Variants in BCAS3 observed in about 807,000 individuals in gnomAD.
The protein encoded by BCAS3 is BCAS3 microtubule associated cell migration factor.
A neutral mutation model predicts 116.1 loss-of-function variants in BCAS3; 53 were observed. That is an observed-to-expected ratio of 0.46 (90% CI 0.37 to 0.57). BCAS3 has a LOEUF of 0.57. BCAS3 is among the 20% of genes least tolerant of loss of function. The pLI is 0.00. For synonymous variants in BCAS3, 391 were observed against 408.2 expected (o/e 0.96, Z 0.51); for missense variants, 917 against 1,165.4 (o/e 0.79, Z 3.10).
At chr17:61,291,917 T>C (rs184991799) in intron 22 of BCAS3, among the ~76,000 whole-genome samples, 1 of 152,152 alleles carries the variant, frequency 6.6e-6, no homozygotes, top group Admixed American at 6.5e-5. Flanking sequence ...ATAAGGCATG[T>C]AGGGTGAGGA....
chr17:60,763,340 A>G (rs978198976), intron 6 of BCAS3, among the ~76,000 whole-genome samples: 34 of 152,254 alleles, frequency 2.2e-4, no homozygotes, highest in East Asian at 7.7e-4. Context: ...GTTTGTCTTA[A>G]ATGGCTCTTA....
At chr17:60,772,984 CA>C (rs2037447970) in intron 6 of BCAS3, among the ~76,000 whole-genome samples, 1 of 152,156 alleles carries the variant, frequency 6.6e-6, no homozygotes. Context: ...TATCAAGGAG[CA>C]TGCTTTTGGC....
chr17:61,253,626 G>A (rs770314453), intron 22 of BCAS3, among the ~76,000 whole-genome samples: 29 of 151,694 alleles, frequency 1.9e-4, no homozygotes, highest in Non-Finnish European at 3.7e-4. Flanking sequence ...CCCAGGATTG[G>A]AGGAGGGGCA....
rs1358251107 is a variant in BCAS3 at position 60,808,086 on chromosome 17, T to C, written c.476+10T>C. The C allele has an allele frequency of 2.5e-6, 4 of 1,569,638 alleles. No individual in the cohort carries two copies. Among genetic ancestry groups the C allele is most frequent in the South Asian group, 1.2e-5 (1 of 86,758 alleles). Reference sequence around the variant, plus strand: ...GCATTGGATCTTCTGGGTAAGGAAATTTTAAAAATTCTTTGTATCACCTAT... The same window carrying C: ...GCATTGGATCTTCTGGGTAAGGAAACTTTAAAAATTCTTTGTATCACCTAT... On this transcript the variant is annotated intron_variant, in intron 7 of 23. Coordinates refer to ENST00000407086, the MANE Select transcript of BCAS3 (RefSeq NM_017679.5).
chr17:60,889,839 A>G, intron 10 of BCAS3, 68 bp downstream of exon 10: 1 of 1,383,930 alleles, frequency 7.2e-7, no homozygotes, highest in Non-Finnish European at 1.0e-6. Flanking sequence ...CATAAAAAAT[A>G]CCTGTGCTCC....
chr17:61,125,817 C>T (rs1041006322), intron 22 of BCAS3, among the ~76,000 whole-genome samples: 2 of 152,120 alleles, frequency 1.3e-5, no homozygotes, highest in Admixed American at 1.3e-4. Context: ...TCTTCTTTTA[C>T]GTAACTTTAT....
chr17:60,978,524 A>G (rs946373771), intron 14 of BCAS3, among the ~76,000 whole-genome samples: 8 of 149,594 alleles, frequency 5.3e-5, no homozygotes, highest in East Asian at 3.9e-4. Flanking sequence ...CCATTTGTCA[A>G]TTTTGTCTTT....
At chr17:61,038,668 G>GT (rs1244364326) in intron 18 of BCAS3, among the ~76,000 whole-genome samples, 1,312 of 113,812 alleles carry the variant, frequency 0.012, 15 homozygotes, top group Non-Finnish European at 0.016. Flanking sequence ...TTTTGTTTTT[G>GT]TTTTTTTTTT....
rs1203623325 is a variant in BCAS3, at chr17:61,124,475, A to G, written c.2425+39911A>G. Among the ~76,000 whole-genome samples the G allele has an allele frequency of 2.0e-5, 3 of 152,226 alleles. No homozygotes were observed. Among genetic ancestry groups the G allele is most frequent in the Non-Finnish European group, 4.4e-5 (3 of 68,040 alleles). On this transcript the variant is annotated intron_variant, in intron 22 of 23. Transcript: ENST00000407086. This position sits in a 1 kb window ranked among gnomAD's most constrained non-coding sequence, Gnocchi z 4.6. ...CTTATTTTTAAGATCGTAGAGATCC[A>G]TAGAAGTATTGGCATTCTTGTACCA...
At chr17:61,165,725 AT>A (rs927749323) in intron 22 of BCAS3, among the ~76,000 whole-genome samples, 5 of 152,130 alleles carry the variant, frequency 3.3e-5, no homozygotes, top group African/African-American at 7.2e-5. Flanking sequence ...TTTAAAAACT[AT>A]TTTTTAAAAA....
rs2076837667 is a variant in BCAS3 at position 61,140,069 on chromosome 17, C to CTACTAAAAA, written c.2425+55509_2425+55517dup. The stretch of plus-strand genomic sequence containing the variant: ...TGGCCAATATAGTGAAACCCCATCT[C>CTACTAAAAA]TACTAAAAATACAAAAAATTAGCTG... On this transcript the variant is annotated intron_variant, in intron 22 of 23. Coordinates refer to ENST00000407086, the MANE Select transcript of BCAS3 (RefSeq NM_017679.5). This position sits in a 1 kb window ranked among gnomAD's most constrained non-coding sequence, Gnocchi z 4.2. Among the ~76,000 whole-genome samples the CTACTAAAAA allele has an allele frequency of 6.6e-6, 1 of 152,122 alleles. No individual in the cohort carries two copies. The highest frequency in any genetic ancestry group is 1.5e-5 in the Non-Finnish European group (1 of 68,030).
At position 60,866,880 on chromosome 17, in the gene BCAS3, TACTC is replaced by T. The variant is rs2054642234; in HGVS notation, c.477-1694_477-1691del. Among the ~76,000 whole-genome samples, 3 of 152,256 alleles carry T rather than the reference TACTC, an allele frequency of 2.0e-5. No individual in the cohort carries two copies. The South Asian group carries it at 6.2e-4, about 32-fold the overall frequency. ...TTGTTTTATTGATTCCCCCTTTGCT[TACTC>T]ATTTTATTTTAAGAAATTCTTGTTC... On this transcript the variant is annotated intron_variant, in intron 7 of 23. Coordinates refer to ENST00000407086, the MANE Select transcript of BCAS3 (RefSeq NM_017679.5).
Position 61,337,901 on chromosome 17 carries a change from A to C in BCAS3, c.2426-30426A>C, listed in dbSNP as rs541051688. On this transcript the variant is annotated intron_variant, in intron 22 of 23. Coordinates refer to ENST00000407086, the MANE Select transcript of BCAS3 (RefSeq NM_017679.5). The surrounding 1 kb of genome is among the most constrained non-coding windows in gnomAD (Gnocchi z 4.8). ...TCTATCCCATTTTATAGTTGAGGAA[A>C]CCAAGGCTCGGTGAGGTAAAGCGCT... Among the ~76,000 whole-genome samples the C allele has an allele frequency of 6.6e-6, 1 of 152,314 alleles. No homozygotes were observed. Among genetic ancestry groups the C allele is most frequent in the African/African-American group, 2.4e-5 (1 of 41,562 alleles).
intron 4 of BCAS3, among the ~76,000 whole-genome samples, chr17:60,704,873 G>A (rs919235953): frequency 6.6e-6 from 1 of 151,624 alleles, no homozygotes; most frequent in African/African-American, 2.4e-5. Context: ...ATTGCACAGT[G>A]CCCATGGCCA....
At position 61,204,164 on chromosome 17, in the gene BCAS3, G is replaced by A. The variant is rs1249376342; in HGVS notation, c.2425+119600G>A. Among the ~76,000 whole-genome samples the A allele has an allele frequency of 2.0e-5, 3 of 152,084 alleles. No individual in the cohort carries two copies. Among genetic ancestry groups the A allele is most frequent in the Non-Finnish European group, 4.4e-5 (3 of 68,016 alleles). ...ACCTGCCTTTGTTTACAACTTTTCCGGAAATTTTCACAGAGGGAGAGAAAC... is the reference window on the plus strand; with the variant it reads ...ACCTGCCTTTGTTTACAACTTTTCCAGAAATTTTCACAGAGGGAGAGAAAC... On this transcript the variant is annotated intron_variant, in intron 22 of 23. Coordinates refer to ENST00000407086, the MANE Select transcript of BCAS3 (RefSeq NM_017679.5). The surrounding 1 kb of genome is among the most constrained non-coding windows in gnomAD (Gnocchi z 4.2).
chr17:60,681,137 T>G (rs544318695), intron 2 of BCAS3, among the ~76,000 whole-genome samples: 5 of 152,164 alleles, frequency 3.3e-5, no homozygotes, highest in African/African-American at 1.2e-4. Context: ...CCCAGGAGCT[T>G]GAAGCTGTGG....
intron 23 of BCAS3, among the ~76,000 whole-genome samples, chr17:61,374,086 G>T (rs2059206407): frequency 1.3e-5 from 2 of 150,748 alleles, no homozygotes; most frequent in African/African-American, 4.9e-5. Flanking sequence ...AAAGTGCTGG[G>T]ATTACAGGCA....
intron 11 of BCAS3, among the ~76,000 whole-genome samples, chr17:60,909,605 G>A (rs890754018): frequency 6.6e-6 from 1 of 152,062 alleles, no homozygotes; most frequent in East Asian, 1.9e-4. Context: ...CTTCAGCAAT[G>A]TGTGACTCAC....
At chr17:60,880,582 C>T (rs1455428252) in intron 9 of BCAS3, among the ~76,000 whole-genome samples, 1 of 152,240 alleles carries the variant, frequency 6.6e-6, no homozygotes. Flanking sequence ...GCCACCGCGC[C>T]TAGCCATATG....
Sources: allele counts gnomAD v4.1 joint callset (sites outside exome capture counted in the v4.1 genomes callset), GRCh38; gene constraint gnomAD v4.1.1; non-coding constraint Gnocchi (gnomAD v3.1); transcripts MANE v1.5; gene names NCBI Gene and HGNC (gene_info 2026-07-23, HGNC 2026-07-21).